Variants in ETNK1 observed in about 807,000 individuals in gnomAD.
The protein encoded by ETNK1 is ethanolamine kinase 1.
Under a neutral mutation model 45.1 loss-of-function variants are expected in ETNK1, and 8 were observed. The ratio of observed to expected loss-of-function variants is 0.18; its 90% CI spans 0.10 to 0.32. The LOEUF (loss-of-function observed/expected upper bound fraction) is 0.32, where lower values mean the gene tolerates loss of function less well. ETNK1 is among the 10% of genes least tolerant of loss of function. ETNK1 has a pLI of 1.00. For missense variants in ETNK1, 302 were observed against 430.6 expected (o/e 0.70, Z 2.64); for synonymous variants, 152 against 151.9 (o/e 1.00, Z -0.01).
intron 1 of ETNK1, among the ~76,000 whole-genome samples, chr12:22,631,140 C>T (rs1953574287): frequency 6.6e-6 from 1 of 151,158 alleles, no homozygotes; most frequent in South Asian, 2.1e-4. Flanking sequence ...GTAGAGGTTA[C>T]ATCAGACAGA....
chr12:22,662,334 C>T (rs1954011960), intron 4 of ETNK1, among the ~76,000 whole-genome samples: 1 of 150,154 alleles, frequency 6.7e-6, no homozygotes, highest in African/African-American at 2.5e-5. Flanking sequence ...GTGATCCGCC[C>T]ACCTCGGCCT....
chr12:22,662,953 A>G (rs577701746), intron 4 of ETNK1, among the ~76,000 whole-genome samples: 162 of 152,378 alleles, frequency 1.1e-3, no homozygotes, highest in Non-Finnish European at 1.4e-3. Flanking sequence ...ACATATTGCC[A>G]AAAATATATT....
chr12:22,659,257 T>C, intron 3 of ETNK1, 103 bp downstream of exon 3: 1 of 1,165,286 alleles, frequency 8.6e-7, no homozygotes, highest in Non-Finnish European at 1.2e-6. Context: ...TCTGGTTTTC[T>C]TTCTTTGCAT....
At chr12:22,668,565 G>T (rs1954077457) in intron 4 of ETNK1, among the ~76,000 whole-genome samples, 1 of 151,900 alleles carries the variant, frequency 6.6e-6, no homozygotes, top group Non-Finnish European at 1.5e-5. Flanking sequence ...CTTGTACAAT[G>T]TGAGTTTGCC....
At chr12:22,654,878 T>C (rs1378285435) in intron 2 of ETNK1, among the ~76,000 whole-genome samples, 1 of 152,254 alleles carries the variant, frequency 6.6e-6, no homozygotes, top group South Asian at 2.1e-4. Context: ...TTGTATTTGA[T>C]ACATTTTTAA....
At chr12:22,650,160 T>C (rs1162003017) in intron 2 of ETNK1, among the ~76,000 whole-genome samples, 1 of 152,090 alleles carries the variant, frequency 6.6e-6, no homozygotes, top group Non-Finnish European at 1.5e-5. Context: ...GCAAGCTTGC[T>C]ATAATTGCTC....
At position 22,688,449 on chromosome 12, in the gene ETNK1, T is replaced by G. The variant is rs1954278170; in HGVS notation, c.*3495T>G. On this transcript the variant is annotated 3_prime_UTR_variant, in exon 8 of 8. Transcript: ENST00000266517. ...TCAATTAAAAGTTAGAACCCTCCAC[T>G]TTTAAAATTATACAAATATTTCTTT... 6.6e-6 allele frequency: 1 copy of G among 152,032 alleles called. No individual in the cohort carries two copies. Among genetic ancestry groups the G allele is most frequent in the South Asian group, 2.1e-4 (1 of 4,836 alleles). The allele number at this position is 152,032 out of a possible 1,614,324, so 9.4% of individuals were successfully genotyped here.
rs1163897546 is a variant in ETNK1, at chr12:22,625,975, A to T, written c.156+389A>T. ...CTCCCCTCCCACCAGTAATGCAGTC[A>T]TTAATCCTCTCTGATCTTTCCTTCC... On this transcript the variant is annotated intron_variant, in intron 1 of 7. Coordinates refer to ENST00000266517, the MANE Select transcript of ETNK1 (RefSeq NM_018638.5). 1.5e-5 allele frequency: 7 copies of T among 460,672 alleles called. No individual in the cohort carries two copies. The Admixed American group carries it at 1.8e-4, about 12-fold the overall frequency. 28.5% of individuals were successfully genotyped at this position (460,672 alleles called of 1,614,324 possible). A position where few individuals can be genotyped will look rare whatever the true frequency, so the allele number is the denominator to read the frequency against.
chr12:22,632,782 G>T (rs113207422), intron 1 of ETNK1, among the ~76,000 whole-genome samples: 3,136 of 152,226 alleles, frequency 0.021, 99 homozygotes, highest in African/African-American at 0.071. Flanking sequence ...GATTACAGGT[G>T]TGAGCCACTG....
chr12:22,663,441 A>C (rs953460033), intron 4 of ETNK1, among the ~76,000 whole-genome samples: 3 of 152,126 alleles, frequency 2.0e-5, no homozygotes, highest in Non-Finnish European at 4.4e-5. Flanking sequence ...TTTCTTTTGC[A>C]TATTCATTTC....
intron 4 of ETNK1, among the ~76,000 whole-genome samples, chr12:22,666,277 A>G (rs189897713): frequency 9.8e-5 from 15 of 152,310 alleles, no homozygotes; most frequent in Admixed American, 9.8e-4. Flanking sequence ...AGGTAAGAAA[A>G]GAATACTTAA....
In ETNK1 at chr12:22,663,940, C is replaced by A. The variant is rs367678117; in HGVS notation, c.700+2735C>A. ...TAGTATCCGTTTAAAAGAGTAATTT[C>A]TATGTGATTACTTCAAACATAAGCA... is the stretch of plus-strand genomic sequence containing the variant. On this transcript the variant is annotated intron_variant, in intron 4 of 7. Coordinates refer to ENST00000266517, the MANE Select transcript of ETNK1 (RefSeq NM_018638.5). Among the ~76,000 whole-genome samples the A allele has an allele frequency of 1.1e-4, 16 of 151,418 alleles. 1 individual carries two copies. The highest frequency in any genetic ancestry group is 3.9e-4 in the African/African-American group (16 of 41,298).
intron 1 of ETNK1, among the ~76,000 whole-genome samples, chr12:22,632,148 G>A (rs1953588718): frequency 6.6e-6 from 1 of 150,860 alleles, no homozygotes; most frequent in Non-Finnish European, 1.5e-5. Flanking sequence ...AGTACTCTGA[G>A]AAAATAATAA....
intron 6 of ETNK1, chr12:22,682,352 T>C: frequency 4.5e-6 from 2 of 448,170 alleles, no homozygotes; most frequent in Non-Finnish European, 9.0e-6. Flanking sequence ...AAGTTATCTT[T>C]TTTATAGTTG....
chr12:22,675,052 G>T (rs1033923531), intron 6 of ETNK1, among the ~76,000 whole-genome samples: 2 of 152,096 alleles, frequency 1.3e-5, no homozygotes, highest in African/African-American at 4.8e-5. Context: ...TTTTGAAATT[G>T]ATTTTATTTT....
At chr12:22,671,249 C>T (rs761841415) in intron 4 of ETNK1, 23 bp from the exon 5 acceptor site, 2 of 1,482,088 alleles carry the variant, frequency 1.3e-6, no homozygotes, top group East Asian at 2.3e-5. Context: ...TTCTTAATGT[C>T]TTTGTTTTTG....
At chr12:22,667,112 T>TA (rs1295366725) in intron 4 of ETNK1, among the ~76,000 whole-genome samples, 1 of 152,158 alleles carries the variant, frequency 6.6e-6, no homozygotes, top group African/African-American at 2.4e-5. Flanking sequence ...AGTCAGATAA[T>TA]AAAAAACTTA....
Position 22,625,538 on chromosome 12 carries a change from C to T in ETNK1, c.108C>T (p.Leu36=), listed in dbSNP as rs1953480979. The T allele has an allele frequency of 1.9e-6, 3 of 1,604,662 alleles. No individual in the cohort carries two copies. The highest frequency in any genetic ancestry group is 2.2e-5 in the South Asian group (2 of 89,742). Residue 36 remains leucine, a synonymous_variant, in exon 1 of 8, where the codon CTC becomes CTT. Coordinates refer to ENST00000266517, the MANE Select transcript of ETNK1 (RefSeq NM_018638.5). ...EHRCREGALS[L]LQHLRPHWDP... ...GCTGCCGGGAGGGGGCCCTGAGCCTCCTGCAACACCTGCGGCCTCACTGGG... is the reference window on the plus strand; with the variant it reads ...GCTGCCGGGAGGGGGCCCTGAGCCTTCTGCAACACCTGCGGCCTCACTGGG...
intron 1 of ETNK1, among the ~76,000 whole-genome samples, chr12:22,637,060 C>G (rs1160736325): frequency 6.6e-6 from 1 of 152,202 alleles, no homozygotes; most frequent in East Asian, 1.9e-4. Context: ...GTCTCCCTGT[C>G]TTTCCGCTTT....
Sources: allele counts gnomAD v4.1 joint callset (sites outside exome capture counted in the v4.1 genomes callset), GRCh38; gene constraint gnomAD v4.1.1; transcripts MANE v1.5; gene names NCBI Gene and HGNC (gene_info 2026-07-23, HGNC 2026-07-21).